Variants in KLF12 observed in about 807,000 individuals in gnomAD.
KLF12 encodes KLF transcription factor 12, also known as Krueppel-like factor 12.
KLF12 carries 9 observed loss-of-function variants against 37.8 expected under a neutral mutation model. That is an observed-to-expected ratio of 0.24 (90% CI 0.14 to 0.42). The LOEUF is 0.42. KLF12 is among the 10% of genes least tolerant of loss of function. The pLI, the probability that KLF12 is intolerant of heterozygous loss-of-function variation, is 1.00. For missense variants in KLF12, 411 were observed against 516.0 expected (o/e 0.80, Z 1.97); for synonymous variants, 208 against 202.1 (o/e 1.03, Z -0.25).
At chr13:74,197,827 G>T in the KLF12 span, among the ~76,000 whole-genome samples, 2 of 152,046 alleles carry the variant, frequency 1.3e-5, no homozygotes, top group Non-Finnish European at 2.9e-5. Flanking sequence ...TGCCTCTGAG[G>T]CTCCCCACCC....
rs573024938 is a variant in KLF12, at chr13:73,749,648, A to G, written c.869+15290T>C. On this transcript the variant is annotated intron_variant, in intron 6 of 7. Coordinates refer to ENST00000377669, the MANE Select transcript of KLF12 (RefSeq NM_007249.5). Reference sequence around the variant, plus strand: ...AAGCAAAGAGACAGGGTGTTAATGTAAGCCTGATAATTAAATTCAGGATCA... The same window carrying G: ...AAGCAAAGAGACAGGGTGTTAATGTGAGCCTGATAATTAAATTCAGGATCA... Among the ~76,000 whole-genome samples, 6 of 152,322 alleles carry G rather than the reference A, an allele frequency of 3.9e-5. No homozygotes were observed. In the East Asian group the frequency reaches 1.2e-3, roughly 29 times the overall value.
intron 3 of KLF12, among the ~76,000 whole-genome samples, chr13:73,887,404 C>T (rs187297315): frequency 6.6e-5 from 10 of 152,208 alleles, no homozygotes; most frequent in South Asian, 2.1e-4. Context: ...ACCATGGTAA[C>T]GAGTGTGTTC....
chr13:73,983,245 C>G (rs1310959962), intron 2 of KLF12, among the ~76,000 whole-genome samples: 1 of 152,192 alleles, frequency 6.6e-6, no homozygotes, highest in African/African-American at 2.4e-5. Flanking sequence ...CTGGCACAGT[C>G]TAAGACTTAA....
intron 3 of KLF12, among the ~76,000 whole-genome samples, chr13:73,930,036 T>G (rs1012202417): frequency 6.6e-6 from 1 of 152,222 alleles, no homozygotes; most frequent in Non-Finnish European, 1.5e-5. Flanking sequence ...TGAAAGGTTC[T>G]GAGAAATAAA....
chr13:74,031,752 C>T (rs559671246), intron 1 of KLF12, among the ~76,000 whole-genome samples: 15 of 151,852 alleles, frequency 9.9e-5, no homozygotes, highest in Non-Finnish European at 1.9e-4. Context: ...ATTAAATTAA[C>T]TTATGATTTA....
chr13:74,098,276 A>C (rs527610049), intron 1 of KLF12, among the ~76,000 whole-genome samples: 59 of 152,342 alleles, frequency 3.9e-4, no homozygotes, highest in Non-Finnish European at 7.4e-4. Context: ...AGTGCTAAAA[A>C]TGGTCCAGGT....
At chr13:74,241,822 C>A in the KLF12 span, among the ~76,000 whole-genome samples, 2 of 152,172 alleles carry the variant, frequency 1.3e-5, no homozygotes, top group African/African-American at 4.8e-5. Context: ...GTGCATGCAC[C>A]CACTGACCTG....
chr13:73,860,073 A>T (rs1344229795), intron 3 of KLF12, among the ~76,000 whole-genome samples: 4 of 152,178 alleles, frequency 2.6e-5, no homozygotes, highest in Admixed American at 2.6e-4. Flanking sequence ...TGTGAAAAGG[A>T]TACATGCCTG....
At chr13:73,964,977 A>T (rs1891134733) in intron 2 of KLF12, among the ~76,000 whole-genome samples, 1 of 152,198 alleles carries the variant, frequency 6.6e-6, no homozygotes, top group Admixed American at 6.5e-5. Flanking sequence ...CACACTATGG[A>T]ACATGCAAAA....
At chr13:74,129,504 T>A (rs754664845) in intron 1 of KLF12, among the ~76,000 whole-genome samples, 5 of 152,332 alleles carry the variant, frequency 3.3e-5, no homozygotes, top group African/African-American at 1.2e-4. Context: ...GTGGGGAAAC[T>A]ATCCCAAAGG....
chr13:73,984,082 T>C (rs1891756185), intron 2 of KLF12, among the ~76,000 whole-genome samples: 1 of 152,166 alleles, frequency 6.6e-6, no homozygotes, highest in African/African-American at 2.4e-5. Context: ...TATAATCCTC[T>C]ATAAGATCCT....
chr13:74,022,934 C>T (rs774766294), intron 1 of KLF12, among the ~76,000 whole-genome samples: 1 of 73,708 alleles, frequency 1.4e-5, no homozygotes, highest in Non-Finnish European at 3.1e-5. Context: ...CTCTCTGCAT[C>T]CCTAACCAAA....
chr13:74,060,484 T>TTGTGTGTGTG (rs60242793), intron 1 of KLF12, among the ~76,000 whole-genome samples: 1,240 of 108,588 alleles, frequency 0.011, 14 homozygotes, highest in South Asian at 0.014. Flanking sequence ...TACCTAGGTT[T>TTGTGTGTGTG]TGTGTGTGTG....
At chr13:74,155,601 G>A in the KLF12 span, among the ~76,000 whole-genome samples, 1 of 152,118 alleles carries the variant, frequency 6.6e-6, no homozygotes, top group African/African-American at 2.4e-5. Flanking sequence ...GACCTAAGGT[G>A]ATCCACCCAT....
At chr13:74,105,969 T>C (rs1268190360) in intron 1 of KLF12, among the ~76,000 whole-genome samples, 1 of 152,164 alleles carries the variant, frequency 6.6e-6, no homozygotes, top group Non-Finnish European at 1.5e-5. Context: ...GACATGGCAA[T>C]TTCTTGTCAG....
the KLF12 span, among the ~76,000 whole-genome samples, chr13:74,212,986 A>G: frequency 6.6e-6 from 1 of 152,182 alleles, no homozygotes; most frequent in East Asian, 1.9e-4. Flanking sequence ...TGAATGTGGC[A>G]CTAATAAAAA....
intron 7 of KLF12, among the ~76,000 whole-genome samples, chr13:73,706,391 GT>G (rs1278542585): frequency 6.6e-6 from 1 of 152,100 alleles, no homozygotes; most frequent in Admixed American, 6.6e-5. Flanking sequence ...AAGATCAACT[GT>G]TTTTTAAATA....
At chr13:73,764,835 T>C in intron 6 of KLF12, 103 bp downstream of exon 6, 1 of 674,350 alleles carries the variant, frequency 1.5e-6, no homozygotes, top group South Asian at 2.0e-5. Context: ...AGCAGGTATG[T>C]ACTCTGTATA....
At chr13:74,007,370 C>CG (rs1469727992) in intron 1 of KLF12, among the ~76,000 whole-genome samples, 2 of 151,890 alleles carry the variant, frequency 1.3e-5, no homozygotes, top group Non-Finnish European at 2.9e-5. Flanking sequence ...CCATCCCCCC[C>CG]GGGTTCACGT....
Sources: gnomAD v4.1 joint callset for allele counts (sites outside exome capture counted in the v4.1 genomes callset) on GRCh38, gnomAD v4.1.1 for gene constraint, MANE v1.5 for transcripts, NCBI Gene and HGNC (gene_info 2026-07-23, HGNC 2026-07-21) for gene names.